Variants in LDLRAD3 observed in about 807,000 individuals in gnomAD.
The protein encoded by LDLRAD3 is low-density lipoprotein receptor class A domain-containing protein 3.
In LDLRAD3, 20 loss-of-function variants were observed where a neutral mutation model predicts 29.4. The ratio of observed to expected loss-of-function variants is 0.68; its 90% CI spans 0.48 to 0.99. LDLRAD3 has a LOEUF of 0.99. LDLRAD3 is among the 50% of genes least tolerant of loss of function. The pLI, the probability that LDLRAD3 is intolerant of heterozygous loss-of-function variation, is 0.00. For synonymous variants in LDLRAD3, 157 were observed against 192.7 expected, an observed-to-expected ratio of 0.81 and a Z score of 1.53; for missense variants, 420 against 454.3, an observed-to-expected ratio of 0.92 and a Z score of 0.69.
chr11:36,066,975 A>T (rs1319463792), intron 2 of LDLRAD3, among the ~76,000 whole-genome samples: 1 of 152,196 alleles, frequency 6.6e-6, no homozygotes, highest in African/African-American at 2.4e-5. Context: ...CCTGCCGCAT[A>T]GCCCATGTCC....
chr11:36,221,305 C>G (rs12574172), intron 4 of LDLRAD3, among the ~76,000 whole-genome samples: 2 of 150,880 alleles, frequency 1.3e-5, no homozygotes, highest in African/African-American at 2.4e-5. Context: ...GAGCCAAGAT[C>G]GTGCAGTAGC....
At chr11:36,123,107 A>G (rs922083892) in intron 4 of LDLRAD3, among the ~76,000 whole-genome samples, 3 of 152,160 alleles carry the variant, frequency 2.0e-5, no homozygotes, top group Non-Finnish European at 4.4e-5. Context: ...GGATCACTTG[A>G]GCCCAGGAGG....
At chr11:36,023,166 G>T (rs1188426967) in intron 1 of LDLRAD3, among the ~76,000 whole-genome samples, 1 of 152,166 alleles carries the variant, frequency 6.6e-6, no homozygotes, top group African/African-American at 2.4e-5. Flanking sequence ...AAACAGGCTG[G>T]CGTTTTTGAT....
intron 1 of LDLRAD3, among the ~76,000 whole-genome samples, chr11:35,979,016 C>A (rs1345134452): frequency 6.6e-6 from 1 of 152,114 alleles, no homozygotes; most frequent in African/African-American, 2.4e-5. Flanking sequence ...CAGCCATTTG[C>A]TTTCATATTT....
chr11:36,064,479 ATTTTTTT>A (rs34464861), intron 2 of LDLRAD3, among the ~76,000 whole-genome samples: 326 of 120,590 alleles, frequency 2.7e-3, no homozygotes, highest in African/African-American at 9.6e-3. Context: ...TGGCTAATTA[ATTTTTTT>A]TTTTTTTTTT....
intron 1 of LDLRAD3, among the ~76,000 whole-genome samples, chr11:35,981,703 A>G (rs1020914430): frequency 1.3e-5 from 2 of 152,116 alleles, no homozygotes; most frequent in Non-Finnish European, 2.9e-5. Flanking sequence ...CATTGGCAGG[A>G]TAGACTTGGA....
intron 4 of LDLRAD3, among the ~76,000 whole-genome samples, chr11:36,172,110 T>G (rs4756292): frequency 0.89 from 135,792 of 152,138 alleles, 61,107 homozygotes; most frequent in Non-Finnish European, 0.95. Flanking sequence ...TTGAGTTCTT[T>G]ATTTGATTCT....
intron 4 of LDLRAD3, among the ~76,000 whole-genome samples, chr11:36,172,151 C>A (rs1208705488): frequency 1.3e-5 from 2 of 152,034 alleles, no homozygotes; most frequent in African/African-American, 4.8e-5. Flanking sequence ...TATAGCAGTA[C>A]TTCTGATTTG....
chr11:36,004,866 T>C (rs895665539), intron 1 of LDLRAD3, among the ~76,000 whole-genome samples: 15 of 152,246 alleles, frequency 9.9e-5, no homozygotes, highest in African/African-American at 3.6e-4. Flanking sequence ...GCTTGCACCC[T>C]CTGACACCAC....
intron 4 of LDLRAD3, among the ~76,000 whole-genome samples, chr11:36,173,528 A>G (rs548387675): frequency 4.0e-5 from 6 of 151,782 alleles, no homozygotes; most frequent in African/African-American, 1.4e-4. Context: ...ATCCTTTTTT[A>G]TGGCTGCATA....
intron 1 of LDLRAD3, among the ~76,000 whole-genome samples, chr11:36,000,382 G>A (rs1394515607): frequency 6.6e-6 from 1 of 151,672 alleles, no homozygotes; most frequent in African/African-American, 2.4e-5. Flanking sequence ...TAGAAAATGA[G>A]TTGTAAAGCA....
intron 1 of LDLRAD3, among the ~76,000 whole-genome samples, chr11:35,998,918 G>A (rs1851788571): frequency 6.6e-6 from 1 of 152,186 alleles, no homozygotes; most frequent in South Asian, 2.1e-4. Flanking sequence ...AGTCCTGGGA[G>A]AGTCGTTCAG....
At chr11:36,176,078 A>G (rs1854671361) in intron 4 of LDLRAD3, among the ~76,000 whole-genome samples, 1 of 151,946 alleles carries the variant, frequency 6.6e-6, no homozygotes, top group Non-Finnish European at 1.5e-5. Context: ...GTCTTTTTTA[A>G]CTATTGTTGC....
At chr11:36,044,130 C>G (rs905352463) in intron 2 of LDLRAD3, among the ~76,000 whole-genome samples, 1 of 152,140 alleles carries the variant, frequency 6.6e-6, no homozygotes, top group Non-Finnish European at 1.5e-5. Flanking sequence ...GTTCTTCCCC[C>G]AGCTTCCATT....
At chr11:36,161,912 G>A (rs1375095709) in intron 4 of LDLRAD3, among the ~76,000 whole-genome samples, 1 of 152,148 alleles carries the variant, frequency 6.6e-6, no homozygotes, top group Non-Finnish European at 1.5e-5. Flanking sequence ...TTACGATGAG[G>A]CTCTCTGAGA....
intron 2 of LDLRAD3, among the ~76,000 whole-genome samples, chr11:36,038,645 A>T (rs262449): frequency 0.69 from 104,213 of 151,852 alleles, 36,570 homozygotes; most frequent in Middle Eastern, 0.82. Flanking sequence ...AAATGTTTTT[A>T]AAAAAGATGT....
intron 1 of LDLRAD3, among the ~76,000 whole-genome samples, chr11:36,002,599 G>T: frequency 6.6e-6 from 1 of 152,164 alleles, no homozygotes; most frequent in East Asian, 1.9e-4. Flanking sequence ...GTCACACTAG[G>T]TCTTCATCAG....
intron 1 of LDLRAD3, among the ~76,000 whole-genome samples, chr11:36,024,840 C>A (rs762730759): frequency 1.3e-5 from 2 of 152,212 alleles, no homozygotes; most frequent in African/African-American, 2.4e-5. Context: ...GTGGACTATT[C>A]TAAGGAAGAC....
At chr11:35,973,283 T>C (rs1851438216) in intron 1 of LDLRAD3, among the ~76,000 whole-genome samples, 1 of 152,194 alleles carries the variant, frequency 6.6e-6, no homozygotes, top group African/African-American at 2.4e-5. Flanking sequence ...TATTCTGTTA[T>C]ATATGCACTA....
Sources: allele counts gnomAD v4.1 joint callset (sites outside exome capture counted in the v4.1 genomes callset), GRCh38; gene constraint gnomAD v4.1.1; transcripts MANE v1.5; gene names NCBI Gene and HGNC (gene_info 2026-07-23, HGNC 2026-07-21).